ARHGAP10: variants seen among roughly 807,000 people sequenced by gnomAD.
ARHGAP10 encodes rho GTPase-activating protein 10.
ARHGAP10 carries 87 observed loss-of-function variants against 108.6 expected under a neutral mutation model. That is an observed-to-expected ratio of 0.80 (90% CI 0.67 to 0.96). The LOEUF (loss-of-function observed/expected upper bound fraction) is 0.96. Among genes scored for constraint, ARHGAP10 ranks in the 40% least tolerant of loss-of-function variants. ARHGAP10 has a pLI of 0.00. For missense variants in ARHGAP10, 939 were observed against 954.5 expected, an observed-to-expected ratio of 0.98 and a Z score of 0.21; for synonymous variants, 347 against 341.1, an observed-to-expected ratio of 1.02 and a Z score of -0.19.
intron 1 of ARHGAP10, among the ~76,000 whole-genome samples, chr4:147,801,650 C>T (rs1329243047): frequency 1.3e-5 from 2 of 152,166 alleles, no homozygotes; most frequent in African/African-American, 4.8e-5. Context: ...GTTATCATCA[C>T]CATTTGTATT....
chr4:147,978,960 T>C (rs10021480), intron 18 of ARHGAP10, among the ~76,000 whole-genome samples: 23,661 of 152,142 alleles, frequency 0.16, 3,107 homozygotes, highest in African/African-American at 0.36. Flanking sequence ...GGAAATTAGT[T>C]CTTTGTCAGA....
At chr4:147,746,404 CTT>C (rs557860855) in intron 1 of ARHGAP10, among the ~76,000 whole-genome samples, 17 of 131,442 alleles carry the variant, frequency 1.3e-4, no homozygotes, top group Admixed American at 2.3e-4. Context: ...GCCAGGCCTG[CTT>C]TTTTTTTTTT....
intron 10 of ARHGAP10, among the ~76,000 whole-genome samples, chr4:147,885,704 A>G (rs1384483927): frequency 1.3e-5 from 2 of 152,176 alleles, no homozygotes; most frequent in Non-Finnish European, 2.9e-5. Flanking sequence ...ACAGTTAACC[A>G]TTCTGGTTCT....
chr4:147,969,345 TGC>T (rs1739321773), intron 18 of ARHGAP10, among the ~76,000 whole-genome samples: 1 of 129,174 alleles, frequency 7.7e-6, no homozygotes. Flanking sequence ...TTTTTTTTTT[TGC>T]CAGTGGTGGT....
chr4:147,873,681 A>AACACACACACACACACACAC (rs67852364), intron 7 of ARHGAP10, among the ~76,000 whole-genome samples: 6,603 of 98,560 alleles, frequency 0.067, 470 homozygotes, highest in Non-Finnish European at 0.082. Context: ...CAAAAAACAA[A>AACACACACACACACACACAC]ACACACACAC....
At chr4:148,018,521 A>G (rs184767724) in intron 18 of ARHGAP10, among the ~76,000 whole-genome samples, 597 of 151,776 alleles carry the variant, frequency 3.9e-3, no homozygotes, top group Non-Finnish European at 6.2e-3. Context: ...GTGTCCCTTT[A>G]AGTCATTCCT....
chr4:147,888,625 A>T (rs1164222395), intron 10 of ARHGAP10, among the ~76,000 whole-genome samples: 1 of 152,234 alleles, frequency 6.6e-6, no homozygotes, highest in Non-Finnish European at 1.5e-5. Context: ...AGTCTAAAAG[A>T]TGAAGCTGCT....
At chr4:147,733,287 A>G (rs1036766152) in intron 1 of ARHGAP10, among the ~76,000 whole-genome samples, 1 of 152,214 alleles carries the variant, frequency 6.6e-6, no homozygotes, top group African/African-American at 2.4e-5. Flanking sequence ...GAAGGGGCCA[A>G]AATTCATGCA....
intron 22 of ARHGAP10, among the ~76,000 whole-genome samples, chr4:148,070,262 T>TG (rs942764992): frequency 2.0e-5 from 3 of 151,754 alleles, no homozygotes; most frequent in East Asian, 1.9e-4. Context: ...GTCCTGGAAG[T>TG]GGGGGGATGC....
chr4:148,043,752 A>ATATATGTATATATATG (rs1380143837), intron 19 of ARHGAP10, among the ~76,000 whole-genome samples: 10 of 142,670 alleles, frequency 7.0e-5, no homozygotes, highest in African/African-American at 2.7e-4. Context: ...ATATGTATAT[A>ATATATGTATATATATG]TGTATATATA....
chr4:147,807,194 A>G (rs1370533183), intron 1 of ARHGAP10, among the ~76,000 whole-genome samples: 1 of 152,086 alleles, frequency 6.6e-6, no homozygotes, highest in Non-Finnish European at 1.5e-5. Flanking sequence ...CCACCCCCCA[A>G]TTCATGAAAT....
Position 148,072,092 on chromosome 4 carries a change from CAG to C in ARHGAP10, c.*14_*15del. The C allele has an allele frequency of 6.2e-7, 1 of 1,608,270 alleles. No homozygotes were observed. The highest frequency in any genetic ancestry group is 8.5e-7 in the Non-Finnish European group (1 of 1,177,826). On this transcript the variant is annotated 3_prime_UTR_variant, in exon 23 of 23. Coordinates refer to ENST00000336498, the MANE Select transcript of ARHGAP10 (RefSeq NM_024605.4). ...GTCAAGCTGCTGTAGCTCCTGGCCT[CAG>C]AGCCCCTGCTGACCCTGGCACCCAG...
intron 20 of ARHGAP10, 75 bp downstream of exon 20, chr4:148,047,126 AGTGACCT>A: frequency 6.4e-7 from 1 of 1,551,718 alleles, no homozygotes; most frequent in South Asian, 1.2e-5. Context: ...TTCCATGAGC[AGTGACCT>A]GTGGGTGCTG....
chr4:147,832,502 C>T (rs1396479392), intron 3 of ARHGAP10, among the ~76,000 whole-genome samples: 1 of 151,640 alleles, frequency 6.6e-6, no homozygotes, highest in Non-Finnish European at 1.5e-5. Flanking sequence ...CAAAAATTAG[C>T]CAGTCGTGGT....
intron 1 of ARHGAP10, among the ~76,000 whole-genome samples, chr4:147,792,065 G>A (rs935199150): frequency 2.0e-5 from 3 of 152,202 alleles, no homozygotes; most frequent in Non-Finnish European, 2.9e-5. Flanking sequence ...GTGGTAGCAC[G>A]TGAGCGTCTT....
chr4:147,994,941 G>T (rs1332075015), intron 18 of ARHGAP10, among the ~76,000 whole-genome samples: 1 of 152,166 alleles, frequency 6.6e-6, no homozygotes, highest in Non-Finnish European at 1.5e-5. Context: ...CTTATTGATG[G>T]GTCGACGTGG....
At chr4:147,766,988 A>G (rs1729862310) in intron 1 of ARHGAP10, among the ~76,000 whole-genome samples, 1 of 151,568 alleles carries the variant, frequency 6.6e-6, no homozygotes, top group African/African-American at 2.4e-5. Context: ...AGCTGGGATT[A>G]CAGGCGCCTG....
At chr4:148,005,081 C>A (rs929984835) in intron 18 of ARHGAP10, among the ~76,000 whole-genome samples, 4 of 152,160 alleles carry the variant, frequency 2.6e-5, no homozygotes, top group Admixed American at 2.6e-4. Flanking sequence ...GCTCTTCATA[C>A]CCTCACTTAT....
At chr4:147,962,303 C>T (rs573732955) in intron 16 of ARHGAP10, among the ~76,000 whole-genome samples, 3 of 152,290 alleles carry the variant, frequency 2.0e-5, no homozygotes, top group South Asian at 2.1e-4. Context: ...TCCATCGTAG[C>T]GCTCAAATAA....
Sources: gnomAD v4.1 joint callset for allele counts (sites outside exome capture counted in the v4.1 genomes callset) on GRCh38, gnomAD v4.1.1 for gene constraint, MANE v1.5 for transcripts, NCBI Gene and HGNC (gene_info 2026-07-23, HGNC 2026-07-21) for gene names.